The following ARHGAP20 variants were observed in gnomAD, a reference collection of about 807,000 sequenced individuals.
ARHGAP20 encodes the protein rho GTPase-activating protein 20.
ARHGAP20 carries 34 observed loss-of-function variants against 73.7 expected under a neutral mutation model. The ratio of observed to expected loss-of-function variants is 0.46; its 90% CI spans 0.35 to 0.61. The LOEUF (loss-of-function observed/expected upper bound fraction) is 0.61, where lower values mean the gene tolerates loss of function less well. Among genes scored for constraint, ARHGAP20 ranks in the 20% least tolerant of loss-of-function variants. The probability of loss-of-function intolerance (pLI) is 0.00; values close to 1 mark genes in which losing one functional copy is unlikely to be tolerated. For missense variants in ARHGAP20, 1,314 were observed against 1,420.9 expected (o/e 0.92, Z 1.21); for synonymous variants, 523 against 518.2 (o/e 1.01, Z -0.13).
At chr11:110,630,124 C>T (rs893801742) in intron 3 of ARHGAP20, among the ~76,000 whole-genome samples, 4 of 152,142 alleles carry the variant, frequency 2.6e-5, no homozygotes, top group Non-Finnish European at 1.5e-5. Context: ...GCTAAGCTTT[C>T]CCCAACTACC....
intron 2 of ARHGAP20, among the ~76,000 whole-genome samples, chr11:110,681,588 T>C (rs1344734736): frequency 6.6e-6 from 1 of 152,186 alleles, no homozygotes; most frequent in African/African-American, 2.4e-5. Context: ...CTTCCTTCAT[T>C]CGAAAGTATG....
intron 11 of ARHGAP20, chr11:110,589,798 C>T (rs777421490): frequency 4.0e-5 from 32 of 793,608 alleles, no homozygotes; most frequent in South Asian, 5.7e-5. Context: ...AACTTAGATG[C>T]TGAAGTCATT....
At chr11:110,644,149 C>T (rs1267998725) in intron 2 of ARHGAP20, among the ~76,000 whole-genome samples, 2 of 151,944 alleles carry the variant, frequency 1.3e-5, no homozygotes, top group African/African-American at 4.8e-5. Context: ...TGAAAGACAT[C>T]TAAGATGACG....
chr11:110,711,977 G>C, intron 1 of ARHGAP20, 150 bp downstream of exon 1: 2 of 1,247,332 alleles, frequency 1.6e-6, no homozygotes, highest in Non-Finnish European at 2.0e-6. Context: ...GGCGGGAAGT[G>C]TTCTGGGACT....
chr11:110,621,875 T>C (rs929335963), intron 4 of ARHGAP20, among the ~76,000 whole-genome samples: 4 of 152,248 alleles, frequency 2.6e-5, no homozygotes, highest in Non-Finnish European at 5.9e-5. Flanking sequence ...ACAGTGTTGA[T>C]ATTTTTGTTT....
chr11:110,596,171 G>A (rs1486757487), intron 9 of ARHGAP20, among the ~76,000 whole-genome samples: 1 of 152,020 alleles, frequency 6.6e-6, no homozygotes, highest in African/African-American at 2.4e-5. Context: ...TTACATGTTA[G>A]ACCTAAAACC....
intron 2 of ARHGAP20, among the ~76,000 whole-genome samples, chr11:110,678,338 C>T (rs1949973335): frequency 6.6e-6 from 1 of 152,190 alleles, no homozygotes; most frequent in African/African-American, 2.4e-5. Context: ...GAAGTGTACA[C>T]TTTTAACTGG....
Position 110,658,026 on chromosome 11 carries a change from C to G in ARHGAP20, c.189-27234G>C, listed in dbSNP as rs376765226. ...AGTTCCAGAAGATGAGAATTAAGAG[C>G]AAAAATTTAAGAGTCAGACAGACCT... is the stretch of plus-strand genomic sequence containing the variant. On this transcript the variant is annotated intron_variant, in intron 2 of 14. Transcript: ENST00000683387. Among the ~76,000 whole-genome samples the G allele has an allele frequency of 2.6e-5, 4 of 151,920 alleles. 1 individual carries two copies. Among genetic ancestry groups the G allele is most frequent in the African/African-American group, 9.7e-5 (4 of 41,442 alleles).
chr11:110,639,944 C>T (rs1458930229), intron 2 of ARHGAP20, among the ~76,000 whole-genome samples: 1 of 151,884 alleles, frequency 6.6e-6, no homozygotes, highest in African/African-American at 2.4e-5. Flanking sequence ...TGAGTACATA[C>T]CCAGGAGTGG....
chr11:110,627,245 C>G (rs148919518), intron 3 of ARHGAP20, among the ~76,000 whole-genome samples: 2 of 152,030 alleles, frequency 1.3e-5, no homozygotes, highest in Non-Finnish European at 2.9e-5. Flanking sequence ...CCTGCCACTA[C>G]GCCCGGCTAA....
At chr11:110,640,318 C>T (rs1949052666) in intron 2 of ARHGAP20, among the ~76,000 whole-genome samples, 1 of 151,900 alleles carries the variant, frequency 6.6e-6, no homozygotes, top group Admixed American at 6.6e-5. Context: ...AAAGGGTAAG[C>T]CCAGATCATT....
At chr11:110,706,571 C>A (rs914070743) in intron 1 of ARHGAP20, among the ~76,000 whole-genome samples, 2 of 152,038 alleles carry the variant, frequency 1.3e-5, no homozygotes, top group Non-Finnish European at 2.9e-5. Flanking sequence ...TTTTTAAACT[C>A]AAACTCCTTT....
intron 2 of ARHGAP20, among the ~76,000 whole-genome samples, chr11:110,684,739 G>A (rs995307326): frequency 2.6e-5 from 4 of 152,110 alleles, no homozygotes; most frequent in Non-Finnish European, 4.4e-5. Context: ...GCAGACATAA[G>A]AAAGGATGAA....
intron 1 of ARHGAP20, among the ~76,000 whole-genome samples, chr11:110,698,820 T>G (rs1032948556): frequency 2.0e-5 from 3 of 151,918 alleles, no homozygotes; most frequent in African/African-American, 7.2e-5. Flanking sequence ...TGTTGGTTAA[T>G]TTAGCCAGCA....
At chr11:110,679,702 G>A (rs1950001522) in intron 2 of ARHGAP20, among the ~76,000 whole-genome samples, 2 of 152,130 alleles carry the variant, frequency 1.3e-5, no homozygotes, top group South Asian at 4.1e-4. Flanking sequence ...CAGATGAGGG[G>A]AAAAAGTCCC....
At chr11:110,646,143 T>C (rs1949189563) in intron 2 of ARHGAP20, among the ~76,000 whole-genome samples, 1 of 152,280 alleles carries the variant, frequency 6.6e-6, no homozygotes, top group East Asian at 1.9e-4. Context: ...AATCACCTAA[T>C]AACTCCTATT....
chr11:110,712,092 G>C lies in ARHGAP20; in HGVS notation c.105+35C>G, dbSNP rs7112851. The C allele has an allele frequency of 3.2e-6, 4 of 1,269,642 alleles. No individual in the cohort carries two copies. In the African/African-American group the frequency reaches 4.7e-5, roughly 15 times the overall value. The allele number at this position is 1,269,642 out of a possible 1,614,324, so 78.6% of individuals were successfully genotyped here. On this transcript the variant is annotated intron_variant, in intron 1 of 14. Coordinates refer to ENST00000683387, the MANE Select transcript of ARHGAP20 (RefSeq NM_001384657.1). The stretch of plus-strand genomic sequence containing the variant: ...GCGCGCCGGCAGTGGGGGCTGCGGC[G>C]GCGGAGGGCACGGGCCCCCGCTCAG...
chr11:110,641,640 G>A (rs1591128222), intron 2 of ARHGAP20, among the ~76,000 whole-genome samples: 1 of 152,062 alleles, frequency 6.6e-6, no homozygotes, highest in East Asian at 1.9e-4. Flanking sequence ...AGGCTGTAGT[G>A]AGCTATTACC....
rs577637365 is a variant in ARHGAP20 at position 110,701,704 on chromosome 11, T to G, written c.105+10423A>C. ...ATGCCCAGGTTTTCTTCTAGGGTTT[T>G]TATGGTTTTAGGTCTAACGTTTAAG... On this transcript the variant is annotated intron_variant, in intron 1 of 14. Coordinates refer to ENST00000683387, the MANE Select transcript of ARHGAP20 (RefSeq NM_001384657.1). Among the ~76,000 whole-genome samples, 4 of 152,316 alleles carry G rather than the reference T, an allele frequency of 2.6e-5. No individual in the cohort carries two copies. The South Asian group carries it at 8.3e-4, about 32-fold the overall frequency.
Sources: allele counts gnomAD v4.1 joint callset (sites outside exome capture counted in the v4.1 genomes callset), GRCh38; gene constraint gnomAD v4.1.1; transcripts MANE v1.5; gene names NCBI Gene and HGNC (gene_info 2026-07-23, HGNC 2026-07-21).